CCDC82: variants seen among roughly 807,000 people sequenced by gnomAD.
CCDC82 encodes coiled-coil domain containing 82, also known as coiled-coil domain-containing protein 82.
Under a neutral mutation model 60.6 loss-of-function variants are expected in CCDC82, and 47 were observed. The observed-to-expected ratio is 0.77, with a 90% CI of 0.61 to 0.99. The LOEUF is 0.99. Among genes scored for constraint, CCDC82 ranks in the 50% least tolerant of loss-of-function variants. The probability of loss-of-function intolerance (pLI) is 0.00; values close to 1 mark genes in which losing one functional copy is unlikely to be tolerated. For synonymous variants in CCDC82, 212 were observed against 207.4 expected (o/e 1.02, Z -0.19); for missense variants, 588 against 633.0 (o/e 0.93, Z 0.76).
At chr11:96,380,302 AAG>A (rs1219043463) in intron 5 of CCDC82, among the ~76,000 whole-genome samples, 3 of 151,716 alleles carry the variant, frequency 2.0e-5, no homozygotes, top group South Asian at 2.1e-4. Context: ...GTTGAGGAAA[AAG>A]AGTTTGTAGG....
At chr11:96,358,203 G>T in intron 9 of CCDC82, 1 of 1,006,440 alleles carries the variant, frequency 9.9e-7, no homozygotes, top group Non-Finnish European at 1.2e-6. Flanking sequence ...ATTAAATGTT[G>T]ATAAGAGTTG....
Position 96,384,475 on chromosome 11 carries a change from T to A in CCDC82, c.273A>T (p.Gln91His). Residue 91 changes from glutamine to histidine, a missense_variant, in exon 4 of 10, where the codon CAA becomes CAT. Coordinates refer to ENST00000646818, the MANE Select transcript of CCDC82 (RefSeq NM_024725.4). ...GACACTTACTGTCATTTCCTTCACT[T>A]TGAATTTTACTTAAGTTGAGCTCTC... Reference protein sequence around the residue: ...SERELNLSKIQSEGNDSKCLI... With the variant: ...SERELNLSKIHSEGNDSKCLI... The A allele has an allele frequency of 6.2e-7, 1 of 1,613,824 alleles. No homozygotes were observed. Among genetic ancestry groups the A allele is most frequent in the East Asian group, 2.2e-5 (1 of 44,856 alleles).
intron 7 of CCDC82, among the ~76,000 whole-genome samples, chr11:96,368,058 T>A (rs1350649293): frequency 6.6e-6 from 1 of 152,088 alleles, no homozygotes. Flanking sequence ...TGACCTCAGG[T>A]GATCCACCAC....
At position 96,384,545 on chromosome 11, in the gene CCDC82, T is replaced by A; in HGVS notation, c.203A>T (p.Asp68Val). 6.2e-7 allele frequency: 1 copy of A among 1,613,656 alleles called. No individual in the cohort carries two copies. Among genetic ancestry groups the A allele is most frequent in the Non-Finnish European group, 8.5e-7 (1 of 1,179,728 alleles). The change falls in exon 4 of 10, where the codon GAT (aspartate) becomes GTT (valine). Residue 68 changes from aspartate (D) to valine (V), a missense_variant. Transcript: ENST00000646818. ...DESFENDEELDSNKGPDCNKT... is the reference protein window; with the variant it reads ...DESFENDEELVSNKGPDCNKT... ...ATTACAATCAGGTCCCTTGTTACTA[T>A]CAAGCTCTTCATCATTTTCAAAACT...
intron 9 of CCDC82, chr11:96,355,551 T>C (rs937378240): frequency 2.0e-5 from 3 of 152,202 alleles, no homozygotes; most frequent in African/African-American, 4.8e-5. Context: ...ACTTTACAGA[T>C]GAGAAAACTT....
chr11:96,367,487 C>G (rs1865009273), intron 7 of CCDC82, among the ~76,000 whole-genome samples: 1 of 152,170 alleles, frequency 6.6e-6, no homozygotes, highest in Admixed American at 6.5e-5. Flanking sequence ...AGAAGCAACT[C>G]CTCATCCATT....
intron 5 of CCDC82, chr11:96,382,991 AATAAAT>A: frequency 3.5e-6 from 1 of 282,260 alleles, no homozygotes; most frequent in Non-Finnish European, 6.5e-6. Flanking sequence ...TAAATGAATT[AATAAAT>A]ATATTTTAAA....
chr11:96,382,161 G>A (rs1865907717), intron 5 of CCDC82: 1 of 151,756 alleles, frequency 6.6e-6, no homozygotes, highest in Non-Finnish European at 1.5e-5. Flanking sequence ...GCAACTGTGT[G>A]TGTGGGGGGA....
intron 8 of CCDC82, chr11:96,363,017 C>G (rs1406953708): frequency 6.6e-6 from 1 of 151,292 alleles, no homozygotes; most frequent in East Asian, 1.9e-4. Flanking sequence ...GGCTGGAGTG[C>G]AGTGGCGCGA....
chr11:96,356,995 G>A, intron 9 of CCDC82: 2 of 985,464 alleles, frequency 2.0e-6, no homozygotes, highest in Non-Finnish European at 2.4e-6. Flanking sequence ...GTGCCATGGA[G>A]ACGGCATTCA....
rs764423488 is a variant in CCDC82 at position 96,384,552 on chromosome 11, C to G, written c.196G>C (p.Glu66Gln). The G allele has an allele frequency of 5.0e-6, 8 of 1,613,630 alleles. No individual in the cohort carries two copies. Among genetic ancestry groups the G allele is most frequent in the Non-Finnish European group, 6.8e-6 (8 of 1,179,724 alleles). ...TCAGGTCCCTTGTTACTATCAAGCTCTTCATCATTTTCAAAACTTTCATCA... is the reference window on the plus strand; with the variant it reads ...TCAGGTCCCTTGTTACTATCAAGCTGTTCATCATTTTCAAAACTTTCATCA... ...DSDESFENDE[E>Q]LDSNKGPDCN... The change falls in exon 4 of 10, where the codon GAG becomes CAG. Residue 66 changes from glutamate (E) to glutamine (Q), a missense_variant. Coordinates refer to ENST00000646818, the MANE Select transcript of CCDC82 (RefSeq NM_024725.4).
Position 96,358,013 on chromosome 11 carries a change from A to G in CCDC82, c.1566+980T>C, listed in dbSNP as rs867382853. 83 of 985,390 alleles carry G rather than the reference A, an allele frequency of 8.4e-5. No homozygotes were observed. The African/African-American group carries it at 1.3e-3, about 15-fold the overall frequency. 61.0% of individuals were successfully genotyped at this position (985,390 alleles called of 1,614,324 possible). A position where few individuals can be genotyped will look rare whatever the true frequency, so the allele number is the denominator to read the frequency against. On this transcript the variant is annotated intron_variant, in intron 9 of 9. Coordinates refer to ENST00000646818, the MANE Select transcript of CCDC82 (RefSeq NM_024725.4). ...TCAAAGGGAAACCAGTGATGATGTC[A>G]TTATCTAGACTGGGAGACCTCCACT...
intron 5 of CCDC82, among the ~76,000 whole-genome samples, chr11:96,375,052 A>C (rs565352654): frequency 1.3e-5 from 2 of 152,346 alleles, no homozygotes; most frequent in African/African-American, 4.8e-5. Context: ...ACATAATATA[A>C]TATTGGGCAA....
chr11:96,355,427 C>T (rs1429716320), intron 9 of CCDC82: 1 of 152,024 alleles, frequency 6.6e-6, no homozygotes, highest in Non-Finnish European at 1.5e-5. Context: ...CAAGTAACAG[C>T]TAAGATTAAT....
intron 4 of CCDC82, 50 bp downstream of exon 4, chr11:96,383,912 T>G: frequency 6.6e-7 from 1 of 1,511,430 alleles, no homozygotes; most frequent in South Asian, 1.3e-5. Flanking sequence ...ATTAAATACT[T>G]TAAGAAAAAA....
intron 8 of CCDC82, chr11:96,364,740 G>T: frequency 5.6e-6 from 2 of 354,622 alleles, no homozygotes; most frequent in South Asian, 4.2e-5. Context: ...TTAACTATGT[G>T]GTGATTGCTC....
intron 4 of CCDC82, 24 bp from the exon 5 acceptor site, chr11:96,383,497 T>C: frequency 6.9e-7 from 1 of 1,457,202 alleles, no homozygotes; most frequent in Non-Finnish European, 9.4e-7. Flanking sequence ...AATAAATGCT[T>C]CAGTAAATGG....
At position 96,371,012 on chromosome 11, in the gene CCDC82, C is replaced by G; in HGVS notation, c.1209+1G>C. ...CAGAGATTCAAAAACAAACTGTGTA[C>G]CTTATATTGCTCTTTCCAACGACTT... On this transcript the variant is annotated splice_donor_variant, in intron 7 of 9. Transcript: ENST00000646818. LOFTEE classifies it high-confidence loss of function. 6.3e-7 allele frequency: 1 copy of G among 1,583,878 alleles called. No individual in the cohort carries two copies. Among genetic ancestry groups the G allele is most frequent in the African/African-American group, 1.4e-5 (1 of 73,376 alleles).
chr11:96,358,695 A>AAT (rs897858077), intron 9 of CCDC82: 12 of 1,197,054 alleles, frequency 1.0e-5, no homozygotes, highest in Admixed American at 4.2e-5. Context: ...CAGGGGACTT[A>AAT]ATATATATGT....
Sources: allele counts gnomAD v4.1 joint callset (sites outside exome capture counted in the v4.1 genomes callset), GRCh38; gene constraint gnomAD v4.1.1; transcripts MANE v1.5; gene names NCBI Gene and HGNC (gene_info 2026-07-23, HGNC 2026-07-21).